HDHD5: variants seen among roughly 807,000 people sequenced by gnomAD.
HDHD5 encodes the protein haloacid dehalogenase-like hydrolase domain-containing 5.
A neutral mutation model predicts 35.5 loss-of-function variants in HDHD5; 34 were observed. That is an observed-to-expected ratio of 0.96 (90% confidence interval 0.73 to 1.28). HDHD5 has a LOEUF of 1.28. HDHD5 is among the 50% of genes most tolerant of loss of function. The probability of loss-of-function intolerance (pLI) is 0.00; values close to 1 mark genes in which losing one functional copy is unlikely to be tolerated. For synonymous variants in HDHD5, 248 were observed against 240.6 expected (o/e 1.03, Z -0.29); for missense variants, 589 against 560.2 (o/e 1.05, Z -0.52).
chr22:17,141,327 T>TCC (rs1462466862), intron 5 of HDHD5, 94 bp from the exon 6 acceptor site: 7 of 1,476,372 alleles, frequency 4.7e-6, no homozygotes, highest in Non-Finnish European at 6.2e-6. Context: ...CCACAAGCCC[T>TCC]CCACCCATGG....
chr22:17,159,186 G>GCGCGCCGCCCGCCAGCAAAGCCCA lies in HDHD5; in HGVS notation c.42_65dup (p.Gly15_Arg22dup). The GCGCGCCGCCCGCCAGCAAAGCCCA allele has an allele frequency of 8.2e-7, 1 of 1,213,962 alleles. No individual in the cohort carries two copies. The highest frequency in any genetic ancestry group is 1.0e-6 in the Non-Finnish European group (1 of 975,728). 75.2% of individuals were successfully genotyped at this position (1,213,962 alleles called of 1,614,324 possible). On this transcript the variant is annotated inframe_insertion, in exon 1 of 8. Transcript: ENST00000336737. ...GGCGGCCCTGGAGCCCCGCAGCCGC[G>GCGCGCCGCCCGCCAGCAAAGCCCA]CGCGCCGCCCGCCAGCAAAGCCCAC...
chr22:17,161,083 G>A (rs188956746), upstream of HDHD5, among the ~76,000 whole-genome samples: 6 of 149,086 alleles, frequency 4.0e-5, no homozygotes, highest in African/African-American at 9.9e-5. Flanking sequence ...GGCGAAACCC[G>A]TCTCTACTAA....
intron 1 of HDHD5, among the ~76,000 whole-genome samples, chr22:17,151,529 A>C (rs1258792466): frequency 6.6e-6 from 1 of 152,150 alleles, no homozygotes; most frequent in East Asian, 1.9e-4. Context: ...CAGGAGTTCA[A>C]GACCAGCCTG....
chr22:17,149,649 C>A lies in HDHD5; in HGVS notation c.223G>T (p.Val75Leu), dbSNP rs1044696440. Residue 75 changes from valine to leucine, a missense_variant, in exon 2 of 8, where the codon GTG (valine) becomes TTG (leucine). Coordinates refer to ENST00000336737, the MANE Select transcript of HDHD5 (RefSeq NM_033070.3). ...PAALKAFRRL[V>L]NSQGQLRVPV... ...ACCCGCAGCTGCCCCTGGGAGTTCACCAGCCTTCGGAAGGCTTTCAGAGCA... is the reference window on the plus strand; with the variant it reads ...ACCCGCAGCTGCCCCTGGGAGTTCAACAGCCTTCGGAAGGCTTTCAGAGCA... The A allele has an allele frequency of 1.9e-6, 3 of 1,613,748 alleles. No homozygotes were observed. In the African/African-American group the frequency reaches 4.0e-5, roughly 22 times the overall value.
Position 17,141,176 on chromosome 22 carries a change from T to A in HDHD5, c.629A>T (p.Asp210Val). The A allele has an allele frequency of 6.3e-7, 1 of 1,597,544 alleles. No individual in the cohort carries two copies. Among genetic ancestry groups the A allele is most frequent in the Middle Eastern group, 1.7e-4 (1 of 5,988 alleles). Residue 210 changes from aspartate to valine, a missense_variant, in exon 6 of 8, where the codon GAT becomes GTT. By Grantham distance (152) the Asp-to-Val change is radical (BLOSUM62 -3). Transcript: ENST00000336737. ...RWETSLQLIM[D>V]VLLSNGSPGA... Reference sequence around the variant, plus strand: ...AGGGCTCCCATTGCTGAGGAGGACATCCATGATCAGCTGCAGGCTGGTCTC... The same window carrying A: ...AGGGCTCCCATTGCTGAGGAGGACAACCATGATCAGCTGCAGGCTGGTCTC...
chr22:17,159,096 G>A (rs2061837559), intron 1 of HDHD5, 30 bp downstream of exon 1: 4 of 1,240,140 alleles, frequency 3.2e-6, no homozygotes, highest in East Asian at 3.1e-5. Context: ...TGAGTGGCGA[G>A]TGGCTCGGCC....
Position 17,138,600 on chromosome 22 carries a change from C to T in HDHD5, c.885G>A (p.Gln295=). The T allele has an allele frequency of 6.2e-7, 1 of 1,614,238 alleles. No individual in the cohort carries two copies. The highest frequency in any genetic ancestry group is 8.5e-7 in the Non-Finnish European group (1 of 1,180,048). The change falls in exon 7 of 8, where the codon CAG becomes CAA. Residue 295 remains glutamine (Q), a synonymous_variant. Coordinates refer to ENST00000336737, the MANE Select transcript of HDHD5 (RefSeq NM_033070.3). ...GGGCGGCCCAGCCCCGCCTCTCCGC[C>T]TGTCGCCTGATCAGGTCCTCGGCAT... is the stretch of plus-strand genomic sequence containing the variant. ...YQYAEDLIRR[Q]AERRGWAAPI...
chr22:17,138,503 A>G (rs41282459), intron 7 of HDHD5, 47 bp downstream of exon 7: 106,547 of 1,585,602 alleles, frequency 0.067, 4,848 homozygotes, highest in East Asian at 0.18. Context: ...GAGGAGGGAG[A>G]GAAGGGGATG....
At chr22:17,151,273 T>G (rs2061721644) in intron 1 of HDHD5, among the ~76,000 whole-genome samples, 1 of 152,246 alleles carries the variant, frequency 6.6e-6, no homozygotes, top group Admixed American at 6.5e-5. Flanking sequence ...ATTTCTCATT[T>G]TATAAACTGC....
At position 17,138,160 on chromosome 22, in the gene HDHD5, A is replaced by AG. The variant is rs762007605; in HGVS notation, c.1132dup (p.Leu378ProfsTer29). On this transcript the variant is annotated frameshift_variant, in exon 8 of 8. Transcript: ENST00000336737. LOFTEE classifies it high-confidence loss of function. The stretch of plus-strand genomic sequence containing the variant: ...GTGGAATGGAGGCTCCCCTCCTCCA[A>AG]GGACAGGCTCCGTGGACTGTGGGTT... 364 of 1,614,034 alleles carry AG rather than the reference A, an allele frequency of 2.3e-4. No individual in the cohort carries two copies. The highest frequency in any genetic ancestry group is 2.8e-4 in the Non-Finnish European group (336 of 1,180,004).
At chr22:17,159,086 T>C in intron 1 of HDHD5, 40 bp downstream of exon 1, 9 of 1,233,870 alleles carry the variant, frequency 7.3e-6, no homozygotes, top group Non-Finnish European at 7.1e-6. Context: ...CCTCCGGCCC[T>C]GAGTGGCGAG....
upstream of HDHD5, among the ~76,000 whole-genome samples, chr22:17,163,883 G>A (rs1451320981): frequency 6.6e-6 from 1 of 152,176 alleles, no homozygotes; most frequent in Non-Finnish European, 1.5e-5. Context: ...CTCCCTCACA[G>A]TCCTGTCATG....
chr22:17,150,554 T>C (rs1035177352), intron 1 of HDHD5, among the ~76,000 whole-genome samples: 2 of 151,114 alleles, frequency 1.3e-5, no homozygotes, highest in African/African-American at 4.9e-5. Context: ...AGTCTTGCTC[T>C]GTCGCCGAGA....
rs1374439954 is a variant in HDHD5, at chr22:17,138,126, T to G, written c.1167A>C (p.Arg389=). 6.2e-7 allele frequency: 1 copy of G among 1,614,114 alleles called. No homozygotes were observed. The highest frequency in any genetic ancestry group is 8.5e-7 in the Non-Finnish European group (1 of 1,180,014). The change falls in exon 8 of 8, where the codon CGA becomes CGC. Residue 389 remains arginine (R), a synonymous_variant. Coordinates refer to ENST00000336737, the MANE Select transcript of HDHD5 (RefSeq NM_033070.3). ...GGGEPPFHGH[R]DLCFSPGLME... is the part of the protein sequence containing the mutation. ...TGAGCCCTGGACTGAAGCATAAGTC[T>G]CGGTGCCCGTGGAATGGAGGCTCCC...
chr22:17,137,789 C>T lies in HDHD5; in HGVS notation c.*232G>A. The T allele has an allele frequency of 1.9e-6, 1 of 527,460 alleles. No individual in the cohort carries two copies. Among genetic ancestry groups the T allele is most frequent in the South Asian group, 2.5e-5 (1 of 40,234 alleles). The allele number at this position is 527,460 out of a possible 1,614,324, so 32.7% of individuals were successfully genotyped here. A position where few individuals can be genotyped will look rare whatever the true frequency, so the allele number is the denominator to read the frequency against. On this transcript the variant is annotated 3_prime_UTR_variant, in exon 8 of 8. Coordinates refer to ENST00000336737, the MANE Select transcript of HDHD5 (RefSeq NM_033070.3). ...CCTGAGGTTAGACTGCCACGAAAGGCACGTGGGAACTGGGCCCAGAAAATT... is the reference window on the plus strand; with the variant it reads ...CCTGAGGTTAGACTGCCACGAAAGGTACGTGGGAACTGGGCCCAGAAAATT...
At chr22:17,159,646 G>A, upstream of HDHD5, 1 of 378,932 alleles carries the variant, frequency 2.6e-6, no homozygotes, top group Non-Finnish European at 5.1e-6. Flanking sequence ...CCGGGCCGCT[G>A]GGGCAGACCC....
intron 1 of HDHD5, among the ~76,000 whole-genome samples, chr22:17,151,727 T>TAAAAAAAAAAAAAAAAA (rs59104154): frequency 8.8e-6 from 1 of 113,122 alleles, no homozygotes; most frequent in African/African-American, 3.9e-5. Context: ...TAGACTCTAC[T>TAAAAAAAAAAAAAAAAA]AAAAAAAAAA....
At chr22:17,148,815 A>G (rs1276250906) in intron 2 of HDHD5, among the ~76,000 whole-genome samples, 1 of 152,150 alleles carries the variant, frequency 6.6e-6, no homozygotes, top group East Asian at 1.9e-4. Context: ...ACCACTTGCC[A>G]CCGCTACCCC....
chr22:17,152,999 C>G (rs1234805081), intron 1 of HDHD5, among the ~76,000 whole-genome samples: 1 of 151,476 alleles, frequency 6.6e-6, no homozygotes, highest in Non-Finnish European at 1.5e-5. Context: ...AGATATCACA[C>G]CTGAACACCA....
Sources: gnomAD v4.1 joint callset for allele counts (sites outside exome capture counted in the v4.1 genomes callset) on GRCh38, gnomAD v4.1.1 for gene constraint, MANE v1.5 for transcripts, NCBI Gene and HGNC (gene_info 2026-07-23, HGNC 2026-07-21) for gene names.